SSH2: variants seen among roughly 807,000 people sequenced by gnomAD.
SSH2 encodes the protein slingshot protein phosphatase 2, also known as protein phosphatase Slingshot homolog 2.
Under a neutral mutation model 135.2 loss-of-function variants are expected in SSH2, and 37 were observed. That is an observed-to-expected ratio of 0.27 (90% CI 0.21 to 0.36). SSH2 has a LOEUF of 0.36. SSH2 is among the 10% of genes least tolerant of loss of function. The pLI is 1.00. For missense variants in SSH2, 1,408 were observed against 1,765.3 expected (o/e 0.80, Z 3.63); for synonymous variants, 628 against 646.2 (o/e 0.97, Z 0.43).
At chr17:29,748,696 TA>T (rs895141878) in intron 3 of SSH2, among the ~76,000 whole-genome samples, 6 of 151,918 alleles carry the variant, frequency 3.9e-5, no homozygotes, top group East Asian at 1.9e-4. Context: ...ATGTGAGTGG[TA>T]AAAAAAATTC....
At chr17:29,678,027 T>C (rs1214901896) in intron 6 of SSH2, among the ~76,000 whole-genome samples, 1 of 152,126 alleles carries the variant, frequency 6.6e-6, no homozygotes, top group African/African-American at 2.4e-5. Flanking sequence ...AAAATGCAGA[T>C]GATTGCTGCT....
intron 3 of SSH2, among the ~76,000 whole-genome samples, chr17:29,759,201 A>G (rs2041216988): frequency 6.6e-6 from 1 of 151,744 alleles, no homozygotes; most frequent in African/African-American, 2.4e-5. Flanking sequence ...GCACCTGGCT[A>G]ATTTTTTCTA....
chr17:29,815,000 G>C (rs2042529604), intron 2 of SSH2, among the ~76,000 whole-genome samples: 1 of 148,866 alleles, frequency 6.7e-6, no homozygotes, highest in African/African-American at 2.5e-5. Flanking sequence ...CCAGGCTGGA[G>C]TGCAATGGTG....
At chr17:29,713,394 G>C (rs2039511286) in intron 3 of SSH2, among the ~76,000 whole-genome samples, 1 of 152,154 alleles carries the variant, frequency 6.6e-6, no homozygotes, top group Non-Finnish European at 1.5e-5. Flanking sequence ...TCCATCTGAA[G>C]AGAACAAAGG....
chr17:29,632,181 T>A lies in SSH2; in HGVS notation c.3013A>T (p.Thr1005Ser). 6.2e-7 allele frequency: 1 copy of A among 1,614,070 alleles called. No homozygotes were observed. The highest frequency in any genetic ancestry group is 1.1e-5 in the South Asian group (1 of 91,076). Reference sequence around the variant, plus strand: ...TCCTTCAGGACTCCTTCCTGCTGTGTTCCAGTATCTGACCCTGGGCCCTCC... The same window carrying A: ...TCCTTCAGGACTCCTTCCTGCTGTGATCCAGTATCTGACCCTGGGCCCTCC... ...PQEGPGSDTG[T>S]QQEGVLKDLR... Residue 1005 changes from threonine to serine, a missense_variant, in exon 16 of 16, where the codon ACA (threonine) becomes TCA (serine). Coordinates refer to ENST00000540801, the MANE Select transcript of SSH2 (RefSeq NM_001282129.2).
chr17:29,761,385 G>C, intron 3 of SSH2: 1 of 1,065,876 alleles, frequency 9.4e-7, no homozygotes, highest in Non-Finnish European at 1.1e-6. Flanking sequence ...GCCGGGTCGC[G>C]CGGAGGCAGC....
rs906768407 is a variant in SSH2, at chr17:29,626,882, A to C, written c.*3959T>G. The C allele has an allele frequency of 6.6e-6, 1 of 152,540 alleles. No homozygotes were observed. Among genetic ancestry groups the C allele is most frequent in the African/African-American group, 2.4e-5 (1 of 41,466 alleles). The allele number at this position is 152,540 out of a possible 1,614,324, so 9.4% of individuals were successfully genotyped here. On this transcript the variant is annotated 3_prime_UTR_variant, in exon 16 of 16. Transcript: ENST00000540801. ...GTTGGATTGATGCTGAAACAGCTAA[A>C]ATTTCATCTTATCCACCATCAAAAA...
intron 3 of SSH2, among the ~76,000 whole-genome samples, chr17:29,714,379 C>A (rs2039541686): frequency 1.3e-5 from 2 of 152,162 alleles, no homozygotes; most frequent in African/African-American, 4.8e-5. Flanking sequence ...TAAAAACACA[C>A]CCGCAGAAGA....
At chr17:29,706,149 G>A (rs1256955126) in intron 3 of SSH2, among the ~76,000 whole-genome samples, 1 of 152,190 alleles carries the variant, frequency 6.6e-6, no homozygotes, top group African/African-American at 2.4e-5. Flanking sequence ...AGTCTCACAT[G>A]TAAAAGTAAT....
chr17:29,701,108 C>A (rs1271234311), intron 4 of SSH2, among the ~76,000 whole-genome samples: 3 of 152,060 alleles, frequency 2.0e-5, no homozygotes, highest in African/African-American at 7.2e-5. Context: ...ATAGCTGGGA[C>A]CACAGGCGCC....
intron 12 of SSH2, 82 bp downstream of exon 12, chr17:29,655,479 T>C: frequency 2.3e-6 from 3 of 1,281,124 alleles, no homozygotes; most frequent in Non-Finnish European, 2.3e-6. Flanking sequence ...AGTTACCCAC[T>C]GATACCTCTT....
intron 2 of SSH2, among the ~76,000 whole-genome samples, chr17:29,800,809 G>A (rs1248520672): frequency 6.6e-6 from 1 of 151,202 alleles, no homozygotes; most frequent in East Asian, 1.9e-4. Flanking sequence ...CCTAGAAACA[G>A]TAAGGTATTA....
chr17:29,919,436 C>G (rs765301615), intron 1 of SSH2, among the ~76,000 whole-genome samples: 21 of 152,100 alleles, frequency 1.4e-4, no homozygotes, highest in Non-Finnish European at 2.4e-4. Context: ...CAGACTTTAC[C>G]TTGAGAGGAA....
At chr17:29,750,745 GTGGC>G (rs2151229311) in intron 3 of SSH2, among the ~76,000 whole-genome samples, 1 of 151,508 alleles carries the variant, frequency 6.6e-6, no homozygotes, top group African/African-American at 2.4e-5. Flanking sequence ...GCCGGGTGTG[GTGGC>G]TCATGCCTGT....
chr17:29,779,810 C>CAAAAA (rs56789691), intron 3 of SSH2, among the ~76,000 whole-genome samples: 1,761 of 19,596 alleles, frequency 0.09, 498 homozygotes, highest in East Asian at 0.11. Flanking sequence ...GACTCTGTCT[C>CAAAAA]AAAAAAAAAA....
At chr17:29,786,055 C>T (rs900917201) in intron 3 of SSH2, among the ~76,000 whole-genome samples, 16 of 152,184 alleles carry the variant, frequency 1.1e-4, no homozygotes, top group African/African-American at 3.6e-4. Flanking sequence ...CCACCCGCCT[C>T]GGCCTCCCAA....
rs144831043 is a variant in SSH2, at chr17:29,689,000, C to T, written c.358-4316G>A. Among the ~76,000 whole-genome samples the T allele has an allele frequency of 5.2e-3, 789 of 151,754 alleles. 6 individuals are homozygous for T. The highest frequency in any genetic ancestry group is 0.028 in the South Asian group (133 of 4,806). ...CAAAATCCTCTCTCTACTAAAAATA[C>T]AAAAAAAATTAGCTGGGTGTGGTGG... On this transcript the variant is annotated intron_variant, in intron 5 of 15. Transcript: ENST00000540801.
intron 12 of SSH2, 64 bp from the exon 13 acceptor site, chr17:29,650,864 G>C: frequency 7.4e-7 from 1 of 1,351,472 alleles, no homozygotes; most frequent in Non-Finnish European, 9.8e-7. Context: ...TCCCAGCACT[G>C]TTTTTTCTTA....
intron 3 of SSH2, chr17:29,776,795 C>T (rs966352610): frequency 6.6e-6 from 1 of 152,230 alleles, no homozygotes; most frequent in Non-Finnish European, 1.5e-5. Flanking sequence ...TGCAGTCCTC[C>T]TGACTATGCC....
Sources: gnomAD v4.1 joint callset for allele counts (sites outside exome capture counted in the v4.1 genomes callset) on GRCh38, gnomAD v4.1.1 for gene constraint, MANE v1.5 for transcripts, NCBI Gene and HGNC (gene_info 2026-07-23, HGNC 2026-07-21) for gene names.